The following MCUB variants were observed in gnomAD, a reference collection of about 807,000 sequenced individuals.
MCUB encodes the protein calcium uniporter regulatory subunit MCUb, mitochondrial.
MCUB carries 46 observed loss-of-function variants against 41.4 expected under a neutral mutation model. The observed-to-expected ratio is 1.11, with a 90% CI of 0.88 to 1.42. The LOEUF (loss-of-function observed/expected upper bound fraction) is 1.42. Ranked by LOEUF, MCUB falls within the 40% of genes most tolerant of loss-of-function variation. MCUB has a pLI of 0.00. For synonymous variants in MCUB, 148 were observed against 148.2 expected (o/e 1.00, Z 0.01); for missense variants, 403 against 404.9 (o/e 1.00, Z 0.04).
intron 1 of MCUB, among the ~76,000 whole-genome samples, chr4:109,606,234 A>C (rs1167075929): frequency 6.6e-6 from 1 of 152,014 alleles, no homozygotes; most frequent in African/African-American, 2.4e-5. Context: ...TTGGCCTCCC[A>C]AAAGTGCTGG....
At chr4:109,656,958 G>A (rs942789449) in intron 1 of MCUB, among the ~76,000 whole-genome samples, 13 of 152,028 alleles carry the variant, frequency 8.6e-5, no homozygotes, top group Non-Finnish European at 1.5e-4. Context: ...GGTGGGTCAC[G>A]CCTGTAATCC....
At chr4:109,596,478 C>T (rs1198562013) in intron 1 of MCUB, among the ~76,000 whole-genome samples, 1 of 151,272 alleles carries the variant, frequency 6.6e-6, no homozygotes, top group Admixed American at 6.6e-5. Flanking sequence ...TTAATAGGGA[C>T]AGTAGACACA....
chr4:109,651,656 CA>C (rs1271380948), intron 1 of MCUB, among the ~76,000 whole-genome samples: 2 of 152,078 alleles, frequency 1.3e-5, no homozygotes, highest in African/African-American at 4.8e-5. Context: ...TACATTATTA[CA>C]CATTAAAAAC....
chr4:109,569,944 G>A (rs190958172), intron 1 of MCUB, among the ~76,000 whole-genome samples: 2 of 152,238 alleles, frequency 1.3e-5, no homozygotes, highest in East Asian at 1.9e-4. Flanking sequence ...AAGAAGTTCC[G>A]AGAATGGTAA....
chr4:109,585,985 T>G (rs188740345), intron 1 of MCUB, among the ~76,000 whole-genome samples: 1 of 152,328 alleles, frequency 6.6e-6, no homozygotes, highest in East Asian at 1.9e-4. Context: ...AATTTGAATG[T>G]TGTCCTGCCT....
chr4:109,612,318 G>A (rs1402372584), intron 1 of MCUB, among the ~76,000 whole-genome samples: 1 of 146,618 alleles, frequency 6.8e-6, no homozygotes, highest in African/African-American at 2.5e-5. Context: ...CCAGGCTGGA[G>A]TGCAGTGGTG....
chr4:109,565,270 A>C (rs1463170801), intron 1 of MCUB, among the ~76,000 whole-genome samples: 1 of 152,208 alleles, frequency 6.6e-6, no homozygotes, highest in Non-Finnish European at 1.5e-5. Context: ...TCTGATCCTC[A>C]GCGTTCTGAC....
intron 1 of MCUB, among the ~76,000 whole-genome samples, chr4:109,622,588 C>A (rs1728270712): frequency 6.6e-6 from 1 of 152,224 alleles, no homozygotes; most frequent in Non-Finnish European, 1.5e-5. Flanking sequence ...TGAGGATCCT[C>A]TGAGGCACTT....
At chr4:109,562,612 T>C (rs1726668321) in intron 1 of MCUB, among the ~76,000 whole-genome samples, 1 of 152,208 alleles carries the variant, frequency 6.6e-6, no homozygotes, top group Non-Finnish European at 1.5e-5. Flanking sequence ...TTATTTTTTT[T>C]CCCAGAAACA....
chr4:109,682,909 A>C (rs1729752788), intron 5 of MCUB, 167 bp downstream of exon 5: 1 of 561,832 alleles, frequency 1.8e-6, no homozygotes, highest in Admixed American at 3.3e-5. Context: ...TTTTCAGATG[A>C]GGAAACTGAG....
intron 1 of MCUB, among the ~76,000 whole-genome samples, chr4:109,590,686 A>G (rs1727415964): frequency 6.6e-6 from 1 of 152,132 alleles, no homozygotes; most frequent in African/African-American, 2.4e-5. Context: ...CTGTCACTTG[A>G]TATTTCAGTT....
chr4:109,676,969 C>T (rs946629330), intron 4 of MCUB, among the ~76,000 whole-genome samples: 1 of 152,230 alleles, frequency 6.6e-6, no homozygotes, highest in African/African-American at 2.4e-5. Flanking sequence ...TACCAGTGTG[C>T]AGCAGCATCC....
At chr4:109,645,518 A>G (rs1189683541) in intron 1 of MCUB, among the ~76,000 whole-genome samples, 2 of 152,096 alleles carry the variant, frequency 1.3e-5, no homozygotes, top group Non-Finnish European at 2.9e-5. Context: ...AAAAAGAAAA[A>G]AAAAAAAAAC....
chr4:109,677,922 G>C (rs1211433589), intron 4 of MCUB, among the ~76,000 whole-genome samples: 2 of 148,774 alleles, frequency 1.3e-5, no homozygotes, highest in Admixed American at 1.4e-4. Flanking sequence ...AGATAAACAC[G>C]TGAACAAAGG....
At chr4:109,576,587 A>G (rs1350998742) in intron 1 of MCUB, among the ~76,000 whole-genome samples, 1 of 149,350 alleles carries the variant, frequency 6.7e-6, no homozygotes, top group African/African-American at 2.5e-5. Context: ...AAAGCATGGC[A>G]TGATGTGGGA....
chr4:109,614,279 A>G (rs984893092), intron 1 of MCUB, among the ~76,000 whole-genome samples: 1 of 152,178 alleles, frequency 6.6e-6, no homozygotes, highest in East Asian at 1.9e-4. Flanking sequence ...CTTTCCATCT[A>G]TAAACCCATG....
In MCUB at chr4:109,579,394, C is replaced by A. The variant is rs192887337; in HGVS notation, c.99+18958C>A. 5.7e-3 allele frequency among the ~76,000 whole-genome samples: 864 copies of A among 151,820 alleles called. 8 individuals carry two copies. The highest frequency in any genetic ancestry group is 0.021 in the African/African-American group (846 of 41,196). ...CCTCCTGAGTAGCTGGGACTACAGG[C>A]GCATGCCACCACGCCCAGCTAATTT... On this transcript the variant is annotated intron_variant, in intron 1 of 7. Transcript: ENST00000394650.
chr4:109,668,541 G>C (rs1477945872), intron 4 of MCUB, among the ~76,000 whole-genome samples: 1 of 151,830 alleles, frequency 6.6e-6, no homozygotes, highest in Non-Finnish European at 1.5e-5. Context: ...ATTTAAAGTG[G>C]GTTTCTTATA....
chr4:109,565,517 A>G (rs1275559853), intron 1 of MCUB, among the ~76,000 whole-genome samples: 6 of 152,238 alleles, frequency 3.9e-5, no homozygotes, highest in African/African-American at 9.6e-5. Context: ...CCTATGCCAC[A>G]AAGTTAAATA....
Sources: gnomAD v4.1 joint callset for allele counts (sites outside exome capture counted in the v4.1 genomes callset) on GRCh38, gnomAD v4.1.1 for gene constraint, MANE v1.5 for transcripts, NCBI Gene and HGNC (gene_info 2026-07-23, HGNC 2026-07-21) for gene names.